Variants in PAPPA2 observed in about 807,000 individuals in gnomAD.
PAPPA2 encodes the protein pappalysin 2.
PAPPA2 carries 86 observed loss-of-function variants against 176.4 expected under a neutral mutation model. That is an observed-to-expected ratio of 0.49 (90% confidence interval 0.41 to 0.58). PAPPA2 has a LOEUF of 0.58. PAPPA2 is among the 20% of genes least tolerant of loss of function. The pLI is 0.00. For missense variants in PAPPA2, 2,073 were observed against 2,256.9 expected (o/e 0.92, Z 1.65); for synonymous variants, 809 against 852.2 (o/e 0.95, Z 0.88).
At chr1:176,537,691 G>A (rs1650136451) in intron 1 of PAPPA2, among the ~76,000 whole-genome samples, 1 of 150,412 alleles carries the variant, frequency 6.6e-6, no homozygotes, top group African/African-American at 2.4e-5. Context: ...AAGTAAACAA[G>A]ATGTCCGTTT....
At chr1:176,641,763 C>T (rs564271620) in intron 3 of PAPPA2, among the ~76,000 whole-genome samples, 25 of 152,084 alleles carry the variant, frequency 1.6e-4, no homozygotes, top group African/African-American at 5.1e-4. Flanking sequence ...TGAAAACCTT[C>T]TTGAGGAACC....
intron 1 of PAPPA2, among the ~76,000 whole-genome samples, chr1:176,502,198 TAACA>T (rs980404681): frequency 8.5e-5 from 13 of 152,178 alleles, no homozygotes; most frequent in Admixed American, 8.5e-4. Flanking sequence ...TTTCAGAATC[TAACA>T]AACAATTTGT....
chr1:176,551,334 T>C (rs769474269), intron 1 of PAPPA2, among the ~76,000 whole-genome samples: 1 of 152,224 alleles, frequency 6.6e-6, no homozygotes, highest in African/African-American at 2.4e-5. Flanking sequence ...CTAAAACAGA[T>C]CTGGCTTCTA....
At chr1:176,466,723 C>T (rs1050574930) in intron 1 of PAPPA2, among the ~76,000 whole-genome samples, 2 of 152,112 alleles carry the variant, frequency 1.3e-5, no homozygotes, top group African/African-American at 2.4e-5. Context: ...CTATGAACCC[C>T]ACCTAGGGGT....
chr1:176,643,843 C>G (rs1657239254), intron 3 of PAPPA2, among the ~76,000 whole-genome samples: 1 of 151,796 alleles, frequency 6.6e-6, no homozygotes. Flanking sequence ...GAGATGTGCT[C>G]TCCAGAGAGA....
At chr1:176,622,846 A>G (rs1464995774) in intron 3 of PAPPA2, among the ~76,000 whole-genome samples, 1 of 152,218 alleles carries the variant, frequency 6.6e-6, no homozygotes, top group Admixed American at 6.5e-5. Flanking sequence ...TTTATAAACA[A>G]TAGAAATTTA....
At chr1:176,769,812 T>G (rs374784264) in intron 16 of PAPPA2, 28 bp downstream of exon 16, 2 of 1,560,574 alleles carry the variant, frequency 1.3e-6, no homozygotes, top group East Asian at 2.3e-5. Context: ...AGGAACTGTA[T>G]GCAAGTTCTC....
chr1:176,549,682 C>T lies in PAPPA2; in HGVS notation c.-916-5725C>T, dbSNP rs567394596. The stretch of plus-strand genomic sequence containing the variant: ...CTAAGGGGTCCCCTCAGAGTCTAGG[C>T]GAGATGGCCAGTGGAGAGTTCAGGC... On this transcript the variant is annotated intron_variant, in intron 1 of 22. Coordinates refer to ENST00000367662, the MANE Select transcript of PAPPA2 (RefSeq NM_020318.3). Among the ~76,000 whole-genome samples the T allele has an allele frequency of 7.2e-5, 11 of 152,280 alleles. No individual in the cohort carries two copies. The South Asian group carries it at 1.9e-3, about 26-fold the overall frequency.
chr1:176,697,919 G>C (rs7551361), intron 7 of PAPPA2, among the ~76,000 whole-genome samples: 3,355 of 151,994 alleles, frequency 0.022, 76 homozygotes, highest in South Asian at 0.13. Context: ...TTGAATTAAT[G>C]AATCAACTCA....
At chr1:176,812,126 A>G (rs1666175321) in intron 21 of PAPPA2, among the ~76,000 whole-genome samples, 1 of 144,662 alleles carries the variant, frequency 6.9e-6, no homozygotes, top group African/African-American at 2.6e-5. Flanking sequence ...CCACTTTCTC[A>G]CTCTGTTAAT....
chr1:176,674,349 G>T (rs1659170050), intron 4 of PAPPA2, among the ~76,000 whole-genome samples: 1 of 152,014 alleles, frequency 6.6e-6, no homozygotes, highest in African/African-American at 2.4e-5. Flanking sequence ...TGAGATTTTG[G>T]TGTACCCATC....
intron 20 of PAPPA2, among the ~76,000 whole-genome samples, chr1:176,795,395 G>A (rs1274495297): frequency 6.6e-6 from 1 of 152,072 alleles, no homozygotes. Flanking sequence ...CTGCCACAGA[G>A]CCATTTCTCA....
intron 3 of PAPPA2, among the ~76,000 whole-genome samples, chr1:176,632,712 C>T (rs1656420633): frequency 6.6e-6 from 1 of 152,102 alleles, no homozygotes; most frequent in African/African-American, 2.4e-5. Context: ...GACAAATGAC[C>T]TGAAGGCATA....
intron 1 of PAPPA2, among the ~76,000 whole-genome samples, chr1:176,484,488 A>G (rs1652559053): frequency 1.3e-5 from 2 of 151,930 alleles, no homozygotes; most frequent in Non-Finnish European, 2.9e-5. Flanking sequence ...CATATGTTAC[A>G]CTTTTTGTAG....
chr1:176,604,702 A>C (rs1263433288), intron 3 of PAPPA2, among the ~76,000 whole-genome samples: 1 of 152,192 alleles, frequency 6.6e-6, no homozygotes, highest in Non-Finnish European at 1.5e-5. Context: ...CCATACTGTA[A>C]CTTCCCATTC....
intron 2 of PAPPA2, among the ~76,000 whole-genome samples, chr1:176,574,287 G>A (rs371416860): frequency 7.2e-5 from 11 of 152,160 alleles, no homozygotes; most frequent in East Asian, 5.8e-4. Flanking sequence ...TTACATGTGC[G>A]AATTAATTTT....
intron 17 of PAPPA2, among the ~76,000 whole-genome samples, chr1:176,774,465 G>A (rs1372293625): frequency 6.6e-6 from 1 of 152,066 alleles, no homozygotes; most frequent in African/African-American, 2.4e-5. Context: ...TGGTTGAACC[G>A]GGTGCCTGCA....
intron 9 of PAPPA2, among the ~76,000 whole-genome samples, chr1:176,704,680 C>T (rs916746962): frequency 6.6e-6 from 1 of 152,054 alleles, no homozygotes; most frequent in Non-Finnish European, 1.5e-5. Context: ...ACAACTTGGG[C>T]AGGTAAATCT....
rs951528253 is a variant in PAPPA2, at chr1:176,690,375, C to A, written c.2376C>A (p.Thr792=). Residue 792 remains threonine (T), a synonymous_variant, in exon 5 of 23, where the codon ACC becomes ACA. Transcript: ENST00000367662. ...LCREPEPTSD[T]CGFTRFPGAP... is the part of the protein sequence containing the mutation. ...GGGAACCAGAGCCCACTAGTGACAC[C>A]TGTGGCTTCACTCGCTTCCCAGGGG... The A allele has an allele frequency of 6.2e-7, 1 of 1,614,072 alleles. No individual in the cohort carries two copies. Among genetic ancestry groups the A allele is most frequent in the Non-Finnish European group, 8.5e-7 (1 of 1,180,034 alleles).
Sources: allele counts gnomAD v4.1 joint callset (sites outside exome capture counted in the v4.1 genomes callset), GRCh38; gene constraint gnomAD v4.1.1; transcripts MANE v1.5; gene names NCBI Gene and HGNC (gene_info 2026-07-23, HGNC 2026-07-21).